Variants in ENOX1 observed in about 807,000 individuals in gnomAD.
ENOX1 encodes candidate growth-related and time keeping constitutive hydroquinone (NADH) oxidase.
In ENOX1, 42 loss-of-function variants were observed where a neutral mutation model predicts 82.5. The observed-to-expected ratio is 0.51, with a 90% CI of 0.40 to 0.66. ENOX1 has a LOEUF of 0.66. Ranked by LOEUF, ENOX1 falls within the 30% of genes least tolerant of loss-of-function variation. The probability of loss-of-function intolerance (pLI) is 0.00; values close to 1 mark genes in which losing one functional copy is unlikely to be tolerated. For missense variants in ENOX1, 608 were observed against 811.6 expected, an observed-to-expected ratio of 0.75 and a Z score of 3.05; for synonymous variants, 271 against 282.2, an observed-to-expected ratio of 0.96 and a Z score of 0.40.
intron 9 of ENOX1, among the ~76,000 whole-genome samples, chr13:43,342,885 G>A (rs756438651): frequency 7.2e-5 from 11 of 152,126 alleles, no homozygotes; most frequent in South Asian, 2.1e-4. Context: ...GACATTTTGC[G>A]TTCTTTCAGC....
rs115455447 is a variant in ENOX1 at position 43,656,054 on chromosome 13, C to T, written c.-219+11425G>A. On this transcript the variant is annotated intron_variant, in intron 2 of 16. Transcript: ENST00000690772. ...TAATGATGTCTCAAGTAAGAAACCT[C>T]TCAAAAATTTAAATTTCTTCTTGGC... Among the ~76,000 whole-genome samples, 732 of 152,274 alleles carry T rather than the reference C, an allele frequency of 4.8e-3. 10 individuals carry two copies. The highest frequency in any genetic ancestry group is 0.017 in the African/African-American group (699 of 41,558).
At chr13:43,739,650 A>C (rs1292182607) in intron 1 of ENOX1, among the ~76,000 whole-genome samples, 1 of 151,916 alleles carries the variant, frequency 6.6e-6, no homozygotes, top group Non-Finnish European at 1.5e-5. Flanking sequence ...AGAGAAAAAT[A>C]ACATAAGAAA....
At chr13:43,412,136 G>A (rs2054172870) in intron 4 of ENOX1, 83 bp from the exon 5 acceptor site, 3 of 1,493,400 alleles carry the variant, frequency 2.0e-6, no homozygotes, top group Non-Finnish European at 2.8e-6. Flanking sequence ...AGATATGTGA[G>A]GCTTCATTTA....
At chr13:43,225,493 GAATTA>G (rs764635690) in intron 15 of ENOX1, among the ~76,000 whole-genome samples, 69 of 152,292 alleles carry the variant, frequency 4.5e-4, no homozygotes, top group Non-Finnish European at 7.2e-4. Flanking sequence ...GTTTCAAGAT[GAATTA>G]AATCTGAGGG....
chr13:43,270,866 C>T (rs1816085730), intron 12 of ENOX1, among the ~76,000 whole-genome samples: 1 of 152,186 alleles, frequency 6.6e-6, no homozygotes, highest in Non-Finnish European at 1.5e-5. Flanking sequence ...GTACACATTC[C>T]ATATGCGCTC....
intron 8 of ENOX1, among the ~76,000 whole-genome samples, chr13:43,347,736 C>T (rs763168339): frequency 6.6e-6 from 1 of 152,164 alleles, no homozygotes; most frequent in South Asian, 2.1e-4. Context: ...AAGAAATTAA[C>T]ACTGCTTGTA....
intron 1 of ENOX1, among the ~76,000 whole-genome samples, chr13:43,712,891 G>A (rs1419753450): frequency 7.2e-5 from 11 of 151,780 alleles, no homozygotes; most frequent in African/African-American, 2.7e-4. Flanking sequence ...TTTCCTAATT[G>A]AATACCCTTT....
chr13:43,762,569 C>T (rs1451659823), intron 1 of ENOX1, among the ~76,000 whole-genome samples: 1 of 152,164 alleles, frequency 6.6e-6, no homozygotes, highest in African/African-American at 2.4e-5. Flanking sequence ...AATGGAGAAG[C>T]ACAACCTAAG....
intron 1 of ENOX1, among the ~76,000 whole-genome samples, chr13:43,760,667 A>G (rs1454627761): frequency 2.0e-5 from 3 of 152,082 alleles, no homozygotes. Flanking sequence ...CTTGCATTTT[A>G]TAAGCTGGAA....
chr13:43,424,702 C>A (rs930102333), intron 3 of ENOX1, among the ~76,000 whole-genome samples: 1 of 152,208 alleles, frequency 6.6e-6, no homozygotes, highest in Admixed American at 6.5e-5. Flanking sequence ...TTTGCTTTAT[C>A]TTTCTCTAAA....
chr13:43,266,089 G>A (rs1053483799), intron 13 of ENOX1, among the ~76,000 whole-genome samples: 11 of 152,146 alleles, frequency 7.2e-5, no homozygotes, highest in African/African-American at 2.7e-4. Context: ...AGAGGCTTAG[G>A]AGTAATCAGT....
intron 12 of ENOX1, among the ~76,000 whole-genome samples, chr13:43,290,757 C>T (rs113559628): frequency 5.3e-5 from 8 of 152,266 alleles, no homozygotes; most frequent in African/African-American, 9.6e-5. Context: ...CTGGGTGCAG[C>T]GGCTCCCGCC....
At chr13:43,639,703 C>G (rs1334009036) in intron 2 of ENOX1, among the ~76,000 whole-genome samples, 3 of 152,150 alleles carry the variant, frequency 2.0e-5, no homozygotes, top group African/African-American at 7.2e-5. Flanking sequence ...ATGTGATTCA[C>G]TTAGAATTTT....
At chr13:43,414,348 C>G (rs2054316392) in intron 3 of ENOX1, among the ~76,000 whole-genome samples, 1 of 152,142 alleles carries the variant, frequency 6.6e-6, no homozygotes, top group South Asian at 2.1e-4. Flanking sequence ...GAATCATCAT[C>G]ATCATCCAAC....
chr13:43,689,255 G>T (rs2086228332), intron 1 of ENOX1, among the ~76,000 whole-genome samples: 1 of 152,130 alleles, frequency 6.6e-6, no homozygotes, highest in Non-Finnish European at 1.5e-5. Context: ...GGTCAAGAAG[G>T]CATGAAAATG....
At chr13:43,371,314 A>G (rs1298588572) in intron 5 of ENOX1, among the ~76,000 whole-genome samples, 3 of 152,210 alleles carry the variant, frequency 2.0e-5, no homozygotes, top group Admixed American at 2.0e-4. Flanking sequence ...ATCTACTTCT[A>G]TCTTTCTGAG....
chr13:43,652,105 G>A (rs1179780784), intron 2 of ENOX1, among the ~76,000 whole-genome samples: 1 of 151,858 alleles, frequency 6.6e-6, no homozygotes, highest in Non-Finnish European at 1.5e-5. Flanking sequence ...TGGCCCAAAA[G>A]TGAATCAGAA....
chr13:43,743,663 A>C (rs78849685), intron 1 of ENOX1, among the ~76,000 whole-genome samples: 1,924 of 152,334 alleles, frequency 0.013, 42 homozygotes, highest in African/African-American at 0.043. Flanking sequence ...CAGGATAAGT[A>C]CTGCAACACA....
intron 15 of ENOX1, among the ~76,000 whole-genome samples, chr13:43,227,154 CCCTT>C (rs1165103457): frequency 6.6e-6 from 1 of 152,030 alleles, no homozygotes; most frequent in African/African-American, 2.4e-5. Flanking sequence ...AGGTTGATAA[CCCTT>C]AGCCTAGGAG....
Sources: allele counts gnomAD v4.1 joint callset (sites outside exome capture counted in the v4.1 genomes callset), GRCh38; gene constraint gnomAD v4.1.1; transcripts MANE v1.5; gene names NCBI Gene and HGNC (gene_info 2026-07-23, HGNC 2026-07-21).